Variants in THEMIS observed in about 807,000 individuals in gnomAD.
THEMIS encodes protein THEMIS.
In THEMIS, 37 loss-of-function variants were observed where a neutral mutation model predicts 52.6. The ratio of observed to expected loss-of-function variants is 0.70; its 90% CI spans 0.54 to 0.93. The LOEUF is 0.93. Ranked by LOEUF, THEMIS falls within the 40% of genes least tolerant of loss-of-function variation. The pLI is 0.00. For synonymous variants in THEMIS, 292 were observed against 272.7 expected (o/e 1.07, Z -0.70); for missense variants, 808 against 763.1 (o/e 1.06, Z -0.69).
chr6:127,850,783 G>A (rs1779395681), intron 2 of THEMIS, among the ~76,000 whole-genome samples: 2 of 151,694 alleles, frequency 1.3e-5, no homozygotes, highest in Non-Finnish European at 2.9e-5. Flanking sequence ...ATTGGGTAGA[G>A]TGTTCACTGC....
At chr6:127,826,951 A>G (rs1396809169) in intron 3 of THEMIS, among the ~76,000 whole-genome samples, 1 of 151,704 alleles carries the variant, frequency 6.6e-6, no homozygotes, top group African/African-American at 2.4e-5. Flanking sequence ...TTTTTTTTTG[A>G]AGCCCAAATA....
At chr6:127,798,146 C>T (rs1375077802) in intron 4 of THEMIS, among the ~76,000 whole-genome samples, 1 of 152,114 alleles carries the variant, frequency 6.6e-6, no homozygotes, top group Non-Finnish European at 1.5e-5. Context: ...ATTGACAGTA[C>T]AAAATATTAA....
intron 4 of THEMIS, among the ~76,000 whole-genome samples, chr6:127,783,552 A>T (rs546713967): frequency 6.6e-6 from 1 of 152,174 alleles, no homozygotes; most frequent in Non-Finnish European, 1.5e-5. Flanking sequence ...AAATCAAACA[A>T]CCCCATCAAA....
In THEMIS at chr6:127,829,748, C is replaced by T. The variant is rs780586135; in HGVS notation, c.437G>A (p.Gly146Glu). Residue 146 changes from glycine to glutamate, a missense_variant, in exon 3 of 6, where the codon GGA becomes GAA. Gly to Glu is a moderately conservative substitution (Grantham distance 98). Coordinates refer to ENST00000368248, the MANE Select transcript of THEMIS (RefSeq NM_001010923.3). ...TACTGCACAGCTCACCATTATTTCT[C>T]CATCAATCTCTTCAACTGAGTTGAG... ...IMLNSVEEID[G>E]EIMVSCAVAR... The T allele has an allele frequency of 1.2e-6, 2 of 1,613,980 alleles. No individual in the cohort carries two copies. The highest frequency in any genetic ancestry group is 1.7e-6 in the Non-Finnish European group (2 of 1,180,018).
chr6:127,755,615 A>C (rs963231152), intron 4 of THEMIS, among the ~76,000 whole-genome samples: 5 of 152,184 alleles, frequency 3.3e-5, no homozygotes, highest in Non-Finnish European at 5.9e-5. Flanking sequence ...CTCATTCTCC[A>C]TACTTTAGCA....
At chr6:127,697,791 G>A in the THEMIS span, among the ~76,000 whole-genome samples, 1 of 152,034 alleles carries the variant, frequency 6.6e-6, no homozygotes, top group Non-Finnish European at 1.5e-5. Flanking sequence ...TATCTGAATA[G>A]CACTGCCACT....
At chr6:127,796,955 G>T (rs1777350387) in intron 4 of THEMIS, among the ~76,000 whole-genome samples, 1 of 152,136 alleles carries the variant, frequency 6.6e-6, no homozygotes, top group Admixed American at 6.5e-5. Context: ...TGAGTACATG[G>T]TTCATAAAAA....
intron 1 of THEMIS, among the ~76,000 whole-genome samples, chr6:127,895,638 G>A (rs1370888271): frequency 1.3e-5 from 2 of 151,386 alleles, no homozygotes; most frequent in Admixed American, 1.3e-4. Flanking sequence ...AAATTATGTA[G>A]AAGATATTTT....
intron 4 of THEMIS, among the ~76,000 whole-genome samples, chr6:127,736,232 G>A (rs1775000368): frequency 6.6e-6 from 1 of 152,000 alleles, no homozygotes; most frequent in Non-Finnish European, 1.5e-5. Flanking sequence ...AGAGAAAATT[G>A]TTTTTATTAT....
At position 127,879,053 on chromosome 6, in the gene THEMIS, C is replaced by T. The variant is rs183729691; in HGVS notation, c.91+21789G>A. Among the ~76,000 whole-genome samples, 157 of 152,202 alleles carry T rather than the reference C, an allele frequency of 1.0e-3. 1 individual carries two copies. Among genetic ancestry groups the T allele is most frequent in the African/African-American group, 3.7e-3 (152 of 41,518 alleles). On this transcript the variant is annotated intron_variant, in intron 1 of 5. Coordinates refer to ENST00000368248, the MANE Select transcript of THEMIS (RefSeq NM_001010923.3). Reference sequence around the variant, plus strand: ...AATACTAATTTAAATGGTAAAGCCTCTGTTACAATAAGAAGTAATTTGCTA... The same window carrying T: ...AATACTAATTTAAATGGTAAAGCCTTTGTTACAATAAGAAGTAATTTGCTA...
chr6:127,767,587 G>A (rs1562244448), intron 4 of THEMIS, among the ~76,000 whole-genome samples: 3 of 152,142 alleles, frequency 2.0e-5, no homozygotes, highest in Non-Finnish European at 1.5e-5. Flanking sequence ...TAGTGCACAT[G>A]AAGTTGTCAA....
intron 1 of THEMIS, among the ~76,000 whole-genome samples, chr6:127,870,700 A>G (rs145666587): frequency 5.3e-5 from 8 of 152,304 alleles, no homozygotes; most frequent in African/African-American, 1.9e-4. Context: ...TCAATACCAA[A>G]TGAAGTAAAA....
intron 4 of THEMIS, among the ~76,000 whole-genome samples, chr6:127,734,896 A>AAAAT (rs1554216674): frequency 3.1e-4 from 20 of 65,430 alleles, no homozygotes; most frequent in African/African-American, 7.7e-4. Context: ...AAAAAAAAAA[A>AAAAT]ATATATATAT....
intron 1 of THEMIS, among the ~76,000 whole-genome samples, chr6:127,906,807 T>C (rs1250360603): frequency 6.6e-6 from 1 of 151,956 alleles, no homozygotes; most frequent in East Asian, 1.9e-4. Context: ...TTGCCAATGA[T>C]TTCTATCCCA....
At chr6:127,761,348 A>C (rs11752963) in intron 4 of THEMIS, among the ~76,000 whole-genome samples, 9,116 of 152,240 alleles carry the variant, frequency 0.06, 353 homozygotes, top group African/African-American at 0.098. Context: ...CACTCAAGCT[A>C]TAGCTGACCT....
chr6:127,726,078 A>G (rs1774536063), intron 4 of THEMIS, among the ~76,000 whole-genome samples: 1 of 152,122 alleles, frequency 6.6e-6, no homozygotes, highest in Admixed American at 6.6e-5. Context: ...GCAGTTGATC[A>G]GGAACTTCAC....
intron 2 of THEMIS, among the ~76,000 whole-genome samples, chr6:127,842,081 A>T (rs1175178325): frequency 6.6e-6 from 1 of 152,028 alleles, no homozygotes; most frequent in African/African-American, 2.4e-5. Flanking sequence ...TCTTTTAACA[A>T]AAGTCCCTAA....
At chr6:127,798,824 A>T (rs1777421916) in intron 4 of THEMIS, among the ~76,000 whole-genome samples, 1 of 151,784 alleles carries the variant, frequency 6.6e-6, no homozygotes, top group Non-Finnish European at 1.5e-5. Flanking sequence ...CCCTGTCTCT[A>T]CTAAAAAAAT....
Position 127,862,342 on chromosome 6 carries a change from C to A in THEMIS, c.92-7154G>T, listed in dbSNP as rs1779829606. Among the ~76,000 whole-genome samples the A allele has an allele frequency of 4.0e-5, 6 of 151,278 alleles. No individual in the cohort carries two copies. In the South Asian group the frequency reaches 1.0e-3, roughly 26 times the overall value. On this transcript the variant is annotated intron_variant, in intron 1 of 5. Transcript: ENST00000368248. Reference sequence around the variant, plus strand: ...CTGAGTTGTATGAGTTAATGCTGATCCTAATTGACCATGGATGCTTTGAGT... The same window carrying A: ...CTGAGTTGTATGAGTTAATGCTGATACTAATTGACCATGGATGCTTTGAGT...
Sources: gnomAD v4.1 joint callset for allele counts (sites outside exome capture counted in the v4.1 genomes callset) on GRCh38, gnomAD v4.1.1 for gene constraint, MANE v1.5 for transcripts, NCBI Gene and HGNC (gene_info 2026-07-23, HGNC 2026-07-21) for gene names.